The following LAMA3 variants were observed in gnomAD, a reference collection of about 807,000 sequenced individuals.
LAMA3 encodes laminin subunit alpha 3, also known as laminin subunit alpha-3.
LAMA3 carries 281 observed loss-of-function variants against 402.0 expected under a neutral mutation model. The observed-to-expected ratio is 0.70, with a 90% CI of 0.63 to 0.77. LAMA3 has a LOEUF of 0.77. Ranked by LOEUF, LAMA3 falls within the 30% of genes least tolerant of loss-of-function variation. LAMA3 has a pLI of 0.00. For missense variants in LAMA3, 3,840 were observed against 4,215.5 expected, an observed-to-expected ratio of 0.91 and a Z score of 2.47; for synonymous variants, 1,431 against 1,558.4, an observed-to-expected ratio of 0.92 and a Z score of 1.93.
At position 23,827,465 on chromosome 18, in the gene LAMA3, G is replaced by A. The variant is rs1157318363; in HGVS notation, c.2821G>A (p.Glu941Lys). 2 of 1,613,940 alleles carry A rather than the reference G, an allele frequency of 1.2e-6. No homozygotes were observed. The highest frequency in any genetic ancestry group is 2.7e-5 in the African/African-American group (2 of 74,920). ...HPVMVDLSGR[E>K]VELHLRLRIP... ...TGTCATGGTGGACCTCAGCGGGAGA[G>A]AGGTGGGCCAGCCTTTTATTTATTA... is the stretch of plus-strand genomic sequence containing the variant. Residue 941 changes from glutamate to lysine, a missense_variant and splice_region_variant, in exon 23 of 75, where the codon GAG becomes AAG. Transcript: ENST00000313654.
chr18:23,827,559 A>C (rs2063409191), intron 23 of LAMA3, 92 bp downstream of exon 23: 1 of 1,387,338 alleles, frequency 7.2e-7, no homozygotes, highest in Non-Finnish European at 1.0e-6. Flanking sequence ...TCTCAAATTC[A>C]GGGGAACCTG....
At chr18:23,733,855 T>C (rs182301875) in intron 2 of LAMA3, among the ~76,000 whole-genome samples, 29 of 152,334 alleles carry the variant, frequency 1.9e-4, no homozygotes, top group Admixed American at 1.9e-3. Context: ...TCATGAGTAC[T>C]GATCATCAGT....
intron 9 of LAMA3, among the ~76,000 whole-genome samples, chr18:23,775,167 G>A (rs2062286007): frequency 6.6e-6 from 1 of 152,218 alleles, no homozygotes. Context: ...CCAGGTCAAG[G>A]GAGGCCCCCA....
rs371174542 is a variant in LAMA3, at chr18:23,928,186, C to T, written c.8241C>T (p.Val2747=). 5.5e-5 allele frequency: 88 copies of T among 1,613,858 alleles called. No individual in the cohort carries two copies. The highest frequency in any genetic ancestry group is 1.6e-4 in the Middle Eastern group (1 of 6,084). ...CMKNLKKTSG[V]VRLNDTVGVT... ...AAAATTTGAAGAAAACCAGTGGTGT[C>T]GTTAGATTGAATGATACTGTGGGAG... Residue 2747 remains valine, a synonymous_variant, in exon 63 of 75, where the codon GTC becomes GTT. Coordinates refer to ENST00000313654, the MANE Select transcript of LAMA3 (RefSeq NM_198129.4).
At chr18:23,760,393 G>A (rs1343590658) in intron 7 of LAMA3, among the ~76,000 whole-genome samples, 2 of 151,914 alleles carry the variant, frequency 1.3e-5, no homozygotes, top group African/African-American at 4.8e-5. Flanking sequence ...AAAGCATTGA[G>A]CCTGTTTTAC....
At chr18:23,931,640 C>T (rs1033216392) in intron 65 of LAMA3, 34 of 204,006 alleles carry the variant, frequency 1.7e-4, no homozygotes, top group Non-Finnish European at 3.1e-4. Flanking sequence ...GAATGACCCT[C>T]ACAAACATAA....
intron 68 of LAMA3, among the ~76,000 whole-genome samples, chr18:23,941,470 T>G (rs2082519109): frequency 6.6e-6 from 1 of 152,236 alleles, no homozygotes; most frequent in African/African-American, 2.4e-5. Context: ...AGGTAAAATT[T>G]TTTAAAAAGT....
At chr18:23,888,461 C>G (rs556318308) in intron 41 of LAMA3, among the ~76,000 whole-genome samples, 3 of 151,986 alleles carry the variant, frequency 2.0e-5, no homozygotes, top group Non-Finnish European at 4.4e-5. Context: ...GAATATGTGC[C>G]AGGTGACCGT....
rs146514603 is a variant in LAMA3, at chr18:23,881,956, G to A, written c.5133G>A (p.Ala1711=). ...CCCAGAACTGTCAGCACAACACCGC[G>A]GGAGAGCACTGTGAACGCTGCCAGG... ...GICVNCQHNT[A]GEHCERCQEG... Residue 1711 remains alanine, a synonymous_variant, in exon 40 of 75, where the codon GCG becomes GCA. Coordinates refer to ENST00000313654, the MANE Select transcript of LAMA3 (RefSeq NM_198129.4). 16 of 1,613,788 alleles carry A rather than the reference G, an allele frequency of 9.9e-6. No homozygotes were observed. The African/African-American group carries it at 1.3e-4, about 13-fold the overall frequency.
chr18:23,744,837 A>C, intron 2 of LAMA3, among the ~76,000 whole-genome samples: 1 of 150,616 alleles, frequency 6.6e-6, no homozygotes. Context: ...GTCTCAAAAA[A>C]AAAAAAAAAA....
intron 24 of LAMA3, among the ~76,000 whole-genome samples, chr18:23,835,801 C>T (rs2063570540): frequency 6.6e-6 from 1 of 152,070 alleles, no homozygotes; most frequent in Non-Finnish European, 1.5e-5. Flanking sequence ...AGTGTTGCAG[C>T]ATCTTCTGCT....
At position 23,921,484 on chromosome 18, in the gene LAMA3, T is replaced by C. The variant is rs1175387279; in HGVS notation, c.8076T>C (p.Arg2692=). The C allele has an allele frequency of 1.2e-6, 2 of 1,613,618 alleles. No homozygotes were observed. Among genetic ancestry groups the C allele is most frequent in the Non-Finnish European group, 8.5e-7 (1 of 1,179,670 alleles). ...TCAAAATTGGAAAACTCCAAAAGCG[T>C]ATGTGGATAAATGTGGACGTTCAAA... The part of the protein sequence containing the change: ...IQIKIGKLQK[R]MWINVDVQNT... The change falls in exon 62 of 75, where the codon CGT becomes CGC. Residue 2692 remains arginine, a synonymous_variant. Coordinates refer to ENST00000313654, the MANE Select transcript of LAMA3 (RefSeq NM_198129.4).
At chr18:23,873,939 T>A (rs116119870) in intron 38 of LAMA3, among the ~76,000 whole-genome samples, 459 of 152,342 alleles carry the variant, frequency 3.0e-3, no homozygotes, top group African/African-American at 0.01. Context: ...TTCAATATAA[T>A]CTGAGTACTT....
At chr18:23,933,210 T>A (rs2082217871) in intron 66 of LAMA3, among the ~76,000 whole-genome samples, 1 of 152,212 alleles carries the variant, frequency 6.6e-6, no homozygotes, top group Non-Finnish European at 1.5e-5. Flanking sequence ...TTTACGTTCG[T>A]ATTTCCACAT....
At chr18:23,727,715 A>T (rs1440282805) in intron 2 of LAMA3, among the ~76,000 whole-genome samples, 1 of 151,634 alleles carries the variant, frequency 6.6e-6, no homozygotes, top group Admixed American at 6.6e-5. Flanking sequence ...TAGGCCATGT[A>T]TTGTAACTTT....
intron 52 of LAMA3, 131 bp downstream of exon 52, chr18:23,905,755 A>G (rs920784419): frequency 4.7e-5 from 23 of 487,632 alleles, no homozygotes; most frequent in Non-Finnish European, 8.2e-5. Context: ...CCCTTTATTT[A>G]TTTTATTTTA....
chr18:23,869,405 G>C (rs915890218), intron 37 of LAMA3, among the ~76,000 whole-genome samples: 34 of 152,284 alleles, frequency 2.2e-4, no homozygotes, highest in African/African-American at 8.2e-4. Context: ...GGGTGGTAAT[G>C]GGTAGTGACT....
At chr18:23,934,418 C>T (rs746174369) in intron 67 of LAMA3, among the ~76,000 whole-genome samples, 1 of 152,076 alleles carries the variant, frequency 6.6e-6, no homozygotes, top group African/African-American at 2.4e-5. Context: ...GTTAGATGCT[C>T]GTGGAGTGGG....
intron 47 of LAMA3, among the ~76,000 whole-genome samples, 182 bp from the exon 48 acceptor site, chr18:23,900,945 T>C (rs1046161597): frequency 9.9e-5 from 15 of 152,200 alleles, no homozygotes; most frequent in African/African-American, 3.6e-4. Context: ...GGAAGTTAAA[T>C]GAGGCAACAT....
Sources: gnomAD v4.1 joint callset for allele counts (sites outside exome capture counted in the v4.1 genomes callset) on GRCh38, gnomAD v4.1.1 for gene constraint, MANE v1.5 for transcripts, NCBI Gene and HGNC (gene_info 2026-07-23, HGNC 2026-07-21) for gene names.